CLSTN2: variants seen among roughly 807,000 people sequenced by gnomAD.
CLSTN2 encodes calsyntenin 2, also known as calsyntenin-2.
Under a neutral mutation model 101.2 loss-of-function variants are expected in CLSTN2, and 48 were observed. The ratio of observed to expected loss-of-function variants is 0.47; its 90% CI spans 0.38 to 0.60. CLSTN2 has a LOEUF of 0.60. CLSTN2 is among the 20% of genes least tolerant of loss of function. The probability of loss-of-function intolerance (pLI) is 0.00; values close to 1 mark genes in which losing one functional copy is unlikely to be tolerated. For synonymous variants in CLSTN2, 481 were observed against 463.6 expected, an observed-to-expected ratio of 1.04 and a Z score of -0.48; for missense variants, 1,160 against 1,238.2, an observed-to-expected ratio of 0.94 and a Z score of 0.95.
At chr3:139,995,117 A>G (rs9812091) in intron 1 of CLSTN2, among the ~76,000 whole-genome samples, 83,973 of 151,910 alleles carry the variant, frequency 0.55, 25,429 homozygotes, top group Non-Finnish European at 0.67. Flanking sequence ...AGCCATGCCC[A>G]CGGGTCTTCT....
chr3:140,386,157 G>A (rs553370031), intron 2 of CLSTN2, among the ~76,000 whole-genome samples: 19 of 152,290 alleles, frequency 1.2e-4, no homozygotes, highest in Middle Eastern at 3.4e-3. Flanking sequence ...CTTCACAATA[G>A]CCCAATACAG....
intron 8 of CLSTN2, chr3:140,506,851 G>T (rs1206010169): frequency 6.6e-6 from 1 of 152,180 alleles, no homozygotes; most frequent in Non-Finnish European, 1.5e-5. Flanking sequence ...AATGTAAAAT[G>T]TAATAATTTT....
chr3:139,963,334 C>T lies in CLSTN2; in HGVS notation c.109+27851C>T, dbSNP rs113368879. 7.6e-3 allele frequency among the ~76,000 whole-genome samples: 1,156 copies of T among 151,620 alleles called. 8 individuals carry two copies. The highest frequency in any genetic ancestry group is 0.026 in the African/African-American group (1,084 of 41,414). Reference sequence around the variant, plus strand: ...TGTCCTGCTTGAATTCAGCTTTTTTCTCTCTCTCTCTCTTCAGTACTTTAT... The same window carrying T: ...TGTCCTGCTTGAATTCAGCTTTTTTTTCTCTCTCTCTCTTCAGTACTTTAT... On this transcript the variant is annotated intron_variant, in intron 1 of 16. Transcript: ENST00000458420.
chr3:140,164,579 T>G (rs2010102960), intron 1 of CLSTN2, among the ~76,000 whole-genome samples: 1 of 152,148 alleles, frequency 6.6e-6, no homozygotes, highest in Non-Finnish European at 1.5e-5. Context: ...ACTTTGACAT[T>G]AATTGCAATA....
intron 16 of CLSTN2, 28 bp from the exon 17 acceptor site, chr3:140,566,025 G>C: frequency 6.2e-6 from 10 of 1,613,716 alleles, no homozygotes; most frequent in Non-Finnish European, 7.6e-6. Context: ...CCCCTGATGA[G>C]CATTTGCTTT....
At chr3:140,213,504 T>G (rs930275700) in intron 2 of CLSTN2, among the ~76,000 whole-genome samples, 17 of 152,188 alleles carry the variant, frequency 1.1e-4, no homozygotes, top group African/African-American at 4.1e-4. Context: ...CCTTCTCTGC[T>G]GATTCTTAGC....
intron 2 of CLSTN2, among the ~76,000 whole-genome samples, chr3:140,257,228 T>C (rs992944976): frequency 6.6e-6 from 1 of 152,172 alleles, no homozygotes; most frequent in East Asian, 1.9e-4. Flanking sequence ...CCTTGGTGCA[T>C]GCTACATGTG....
chr3:140,172,311 T>C lies in CLSTN2; in HGVS notation c.110-3640T>C, dbSNP rs148868246. ...AATGTTTTAGAAAGATCACTCTTGATACCAGTGTGCAGAATAGAATGGAGT... is the reference window on the plus strand; with the variant it reads ...AATGTTTTAGAAAGATCACTCTTGACACCAGTGTGCAGAATAGAATGGAGT... On this transcript the variant is annotated intron_variant, in intron 1 of 16. Transcript: ENST00000458420. Among the ~76,000 whole-genome samples, 1,002 of 152,212 alleles carry C rather than the reference T, an allele frequency of 6.6e-3. 7 individuals carry two copies. Among genetic ancestry groups the C allele is most frequent in the Non-Finnish European group, 9.4e-3 (638 of 68,012 alleles).
rs751961250 is a variant in CLSTN2, at chr3:139,938,796, G to T, written c.109+3313G>T. Among the ~76,000 whole-genome samples, 104 of 152,232 alleles carry T rather than the reference G, an allele frequency of 6.8e-4. 1 individual carries two copies. Among genetic ancestry groups the T allele is most frequent in the Non-Finnish European group, 1.2e-3 (82 of 68,028 alleles). ...TCCTTCTTAAGTTCCCAACATCTAGGCATAGAGGTCATTTGGAACAATACT... is the reference window on the plus strand; with the variant it reads ...TCCTTCTTAAGTTCCCAACATCTAGTCATAGAGGTCATTTGGAACAATACT... On this transcript the variant is annotated intron_variant, in intron 1 of 16. Coordinates refer to ENST00000458420, the MANE Select transcript of CLSTN2 (RefSeq NM_022131.3).
intron 2 of CLSTN2, among the ~76,000 whole-genome samples, chr3:140,250,891 A>T (rs567932113): frequency 1.8e-4 from 28 of 152,350 alleles, no homozygotes; most frequent in South Asian, 6.2e-4. Context: ...GGTGGAAAAG[A>T]TATTGCTTTT....
rs75172496 is a variant in CLSTN2, at chr3:139,959,065, C to T, written c.109+23582C>T. 2.5e-3 allele frequency among the ~76,000 whole-genome samples: 375 copies of T among 152,082 alleles called. 13 individuals are homozygous for T. In the East Asian group the frequency reaches 0.067, roughly 27 times the overall value. ...GGAAGAGAGAAACCAAAGTATTCCC[C>T]TGTGTCTTTCTCTACCTTGGGCAAT... On this transcript the variant is annotated intron_variant, in intron 1 of 16. Transcript: ENST00000458420.
chr3:140,404,504 G>A, intron 3 of CLSTN2, 54 bp from the exon 4 acceptor site: 7 of 1,546,338 alleles, frequency 4.5e-6, no homozygotes, highest in Non-Finnish European at 6.2e-6. Flanking sequence ...GGTACAGGAG[G>A]TTGGTGTGAC....
chr3:140,487,341 C>T (rs1409682379), intron 8 of CLSTN2, among the ~76,000 whole-genome samples: 5 of 152,236 alleles, frequency 3.3e-5, no homozygotes, highest in Non-Finnish European at 7.3e-5. Context: ...CTCCAGGCCT[C>T]TCAGCCATTT....
At chr3:140,107,740 A>G (rs151158518) in intron 1 of CLSTN2, among the ~76,000 whole-genome samples, 2 of 152,308 alleles carry the variant, frequency 1.3e-5, no homozygotes, top group Non-Finnish European at 2.9e-5. Context: ...CCAAGGATGT[A>G]AGAGTCACAT....
intron 1 of CLSTN2, among the ~76,000 whole-genome samples, chr3:139,974,464 T>C (rs1243639217): frequency 6.6e-6 from 1 of 152,186 alleles, no homozygotes; most frequent in Admixed American, 6.5e-5. Context: ...GGACCACCTT[T>C]CCCTGCTTCC....
chr3:140,466,329 C>A (rs1327741739), intron 7 of CLSTN2, among the ~76,000 whole-genome samples: 11 of 152,188 alleles, frequency 7.2e-5, no homozygotes, highest in African/African-American at 2.2e-4. Flanking sequence ...TACCCTGGGA[C>A]TGATGCAGTA....
intron 1 of CLSTN2, among the ~76,000 whole-genome samples, chr3:139,985,980 A>G (rs545192708): frequency 1.3e-5 from 2 of 152,308 alleles, no homozygotes; most frequent in South Asian, 4.1e-4. Flanking sequence ...TACACTCGAC[A>G]TGGCAGACTC....
intron 1 of CLSTN2, among the ~76,000 whole-genome samples, chr3:139,996,421 G>C (rs540082065): frequency 6.6e-6 from 1 of 151,950 alleles, no homozygotes; most frequent in African/African-American, 2.4e-5. Context: ...ACGGAGTCTC[G>C]CTCTGTCGCC....
intron 1 of CLSTN2, among the ~76,000 whole-genome samples, chr3:140,038,847 A>T (rs1279902528): frequency 6.6e-6 from 1 of 152,204 alleles, no homozygotes; most frequent in Non-Finnish European, 1.5e-5. Flanking sequence ...GTATTAGGTC[A>T]AACTATAAGA....
Sources: gnomAD v4.1 joint callset for allele counts (sites outside exome capture counted in the v4.1 genomes callset) on GRCh38, gnomAD v4.1.1 for gene constraint, MANE v1.5 for transcripts, NCBI Gene and HGNC (gene_info 2026-07-23, HGNC 2026-07-21) for gene names.